Variants in AGAP1 observed in about 807,000 individuals in gnomAD.
The protein encoded by AGAP1 is ArfGAP with GTPase domain, ankyrin repeat and PH domain 1.
A neutral mutation model predicts 105.3 loss-of-function variants in AGAP1; 29 were observed. That is an observed-to-expected ratio of 0.28 (90% CI 0.21 to 0.38). AGAP1 has a LOEUF of 0.38. Among genes scored for constraint, AGAP1 ranks in the 10% least tolerant of loss-of-function variants. AGAP1 has a pLI of 1.00. For synonymous variants in AGAP1, 509 were observed against 485.9 expected (o/e 1.05, Z -0.63); for missense variants, 998 against 1,165.1 (o/e 0.86, Z 2.09).
intron 13 of AGAP1, among the ~76,000 whole-genome samples, chr2:236,007,893 AG>A (rs1470473056): frequency 1.3e-5 from 2 of 152,240 alleles, no homozygotes; most frequent in East Asian, 3.9e-4. Context: ...AGGGGACCTG[AG>A]GCTGCTCCCC....
intron 9 of AGAP1, among the ~76,000 whole-genome samples, chr2:235,857,718 A>G (rs1367828392): frequency 6.6e-6 from 1 of 152,218 alleles, no homozygotes; most frequent in Non-Finnish European, 1.5e-5. Flanking sequence ...ATTCAAAGTC[A>G]ACTAGTGATG....
In AGAP1 at chr2:235,731,707, G is replaced by A. The variant is rs943620578; in HGVS notation, c.311-9256G>A. On this transcript the variant is annotated intron_variant, in intron 3 of 17. Transcript: ENST00000304032. ...TTAATTTTTATGAGCCACTTGTGAC[G>A]TTTCAGGAAGCTGACAGCCGACATG... Among the ~76,000 whole-genome samples, 4 of 152,140 alleles carry A rather than the reference G, an allele frequency of 2.6e-5. No individual in the cohort carries two copies. In the South Asian group the frequency reaches 6.2e-4, roughly 24 times the overall value.
rs1951344064 is a variant in AGAP1 at position 235,720,792 on chromosome 2, T to A, written c.310+3148T>A. On this transcript the variant is annotated intron_variant, in intron 3 of 17. Transcript: ENST00000304032. The surrounding 1 kb of genome is among the most constrained non-coding windows in gnomAD (Gnocchi z 5.0). ...CTGGGAGGGGTGAGGGTGAGGGCCT[T>A]CCTGTCTTCAGGGGAGAGCTCTCTC... is the stretch of plus-strand genomic sequence containing the variant. 1.2e-6 allele frequency: 1 copy of A among 828,118 alleles called. No homozygotes were observed. The highest frequency in any genetic ancestry group is 1.5e-6 in the Non-Finnish European group (1 of 686,826). 51.3% of individuals were successfully genotyped at this position (828,118 alleles called of 1,614,324 possible).
At chr2:236,028,959 G>A (rs976117538) in intron 13 of AGAP1, among the ~76,000 whole-genome samples, 2 of 152,048 alleles carry the variant, frequency 1.3e-5, no homozygotes, top group Non-Finnish European at 2.9e-5. Flanking sequence ...TTCTGGTTGA[G>A]AAATTGGACA....
At chr2:235,524,530 G>C in intron 1 of AGAP1, 1 of 337,436 alleles carries the variant, frequency 3.0e-6, no homozygotes, top group Non-Finnish European at 6.3e-6. Flanking sequence ...GCTGCACCCA[G>C]CCCCCATGGG....
At position 236,038,813 on chromosome 2, in the gene AGAP1, C is replaced by T. The variant is rs1309144784; in HGVS notation, c.1801-1938C>T. 3.0e-5 allele frequency among the ~76,000 whole-genome samples: 3 copies of T among 100,364 alleles called. No individual in the cohort carries two copies. Among genetic ancestry groups the T allele is most frequent in the Non-Finnish European group, 5.8e-5 (3 of 51,692 alleles). The allele number at this position is 100,364 out of a possible 152,430, so 65.8% of individuals were successfully genotyped here. On this transcript the variant is annotated intron_variant, in intron 14 of 17. Coordinates refer to ENST00000304032, the MANE Select transcript of AGAP1 (RefSeq NM_001037131.3). The surrounding 1 kb of genome is among the most constrained non-coding windows in gnomAD (Gnocchi z 4.5). Reference sequence around the variant, plus strand: ...TACACAGAGAGACAGAGGCACATCCCTTTGTATGTGTGTGTGTGTGTGTGT... The same window carrying T: ...TACACAGAGAGACAGAGGCACATCCTTTTGTATGTGTGTGTGTGTGTGTGT...
At chr2:235,637,458 T>G (rs993952602) in intron 1 of AGAP1, among the ~76,000 whole-genome samples, 6 of 151,868 alleles carry the variant, frequency 4.0e-5, no homozygotes, top group African/African-American at 1.5e-4. Flanking sequence ...TTATTTTTTT[T>G]TTTTTGTAGA....
intron 14 of AGAP1, among the ~76,000 whole-genome samples, chr2:236,037,944 T>C (rs1256640311): frequency 6.6e-6 from 1 of 152,254 alleles, no homozygotes; most frequent in Non-Finnish European, 1.5e-5. Context: ...TAAAGAAATT[T>C]CTGCCTATGA....
At chr2:235,638,128 A>G (rs1947069114) in intron 1 of AGAP1, among the ~76,000 whole-genome samples, 1 of 152,222 alleles carries the variant, frequency 6.6e-6, no homozygotes, top group South Asian at 2.1e-4. Flanking sequence ...GACACGTAAC[A>G]TTAACCATAA....
rs559467962 is a variant in AGAP1, at chr2:236,022,425, G to C, written c.1646-14136G>C. The stretch of plus-strand genomic sequence containing the variant: ...ACCGTGAACTGCGTGTGTTTATAAT[G>C]ATCTTTTGTTTTTGTTTAAAATTAA... On this transcript the variant is annotated intron_variant, in intron 13 of 17. Transcript: ENST00000304032. Among the ~76,000 whole-genome samples the C allele has an allele frequency of 8.7e-4, 132 of 152,276 alleles. 1 individual carries two copies. The South Asian group carries it at 0.027, about 31-fold the overall frequency.
At chr2:235,969,687 G>A (rs1024450844) in intron 13 of AGAP1, among the ~76,000 whole-genome samples, 2 of 152,184 alleles carry the variant, frequency 1.3e-5, no homozygotes, top group Admixed American at 6.5e-5. Context: ...GCAAACCCAC[G>A]GTGCGTGTGT....
At chr2:235,809,534 T>G (rs1320485780) in intron 9 of AGAP1, among the ~76,000 whole-genome samples, 1 of 152,192 alleles carries the variant, frequency 6.6e-6, no homozygotes, top group East Asian at 1.9e-4. Flanking sequence ...GGATGATGTC[T>G]GAAGCCCTTG....
rs149489888 is a variant in AGAP1, at chr2:235,550,394, C to G, written c.163+55545C>G. On this transcript the variant is annotated intron_variant, in intron 1 of 17. Coordinates refer to ENST00000304032, the MANE Select transcript of AGAP1 (RefSeq NM_001037131.3). The surrounding 1 kb of genome is among the most constrained non-coding windows in gnomAD (Gnocchi z 4.6). ...CTGCCAGTGACTTCTCATAGCTGTT[C>G]GTCATTGGGAGTCACTGAGCATGCA... Among the ~76,000 whole-genome samples, 217 of 152,306 alleles carry G rather than the reference C, an allele frequency of 1.4e-3. No individual in the cohort carries two copies. Among genetic ancestry groups the G allele is most frequent in the African/African-American group, 4.9e-3 (202 of 41,562 alleles).
At chr2:235,759,637 A>G (rs1162165941) in intron 6 of AGAP1, among the ~76,000 whole-genome samples, 3 of 152,204 alleles carry the variant, frequency 2.0e-5, no homozygotes, top group Non-Finnish European at 4.4e-5. Context: ...GGGGGCGCAC[A>G]TGTGAGGAAG....
chr2:235,583,674 C>G (rs1038660597), intron 1 of AGAP1, among the ~76,000 whole-genome samples: 1 of 147,042 alleles, frequency 6.8e-6, no homozygotes, highest in African/African-American at 2.5e-5. Flanking sequence ...GCCAGGAGTT[C>G]GAGACCAGTC....
At position 235,549,216 on chromosome 2, in the gene AGAP1, A is replaced by G. The variant is rs1172047260; in HGVS notation, c.163+54367A>G. On this transcript the variant is annotated intron_variant, in intron 1 of 17. Coordinates refer to ENST00000304032, the MANE Select transcript of AGAP1 (RefSeq NM_001037131.3). This position sits in a 1 kb window ranked among gnomAD's most constrained non-coding sequence, Gnocchi z 4.2. ...AGGATTTTCCAGACCTTTTATTTCT[A>G]AGGAATACAAACTAGAAGGGCCTGG... 6.6e-6 allele frequency among the ~76,000 whole-genome samples: 1 copy of G among 152,180 alleles called. No individual in the cohort carries two copies. The highest frequency in any genetic ancestry group is 1.5e-5 in the Non-Finnish European group (1 of 68,030).
At chr2:235,496,135 G>T (rs534875451) in intron 1 of AGAP1, among the ~76,000 whole-genome samples, 1 of 152,346 alleles carries the variant, frequency 6.6e-6, no homozygotes, top group East Asian at 1.9e-4. Flanking sequence ...ATGTTGTGTT[G>T]CTGAGCCCTT....
chr2:235,509,290 G>A (rs1224090348), intron 1 of AGAP1, among the ~76,000 whole-genome samples: 1 of 152,048 alleles, frequency 6.6e-6, no homozygotes, highest in Non-Finnish European at 1.5e-5. Flanking sequence ...GCAGTGGTGC[G>A]ATCTCTGCTC....
At chr2:235,682,797 CGTGTGT>C (rs71064869) in intron 1 of AGAP1, among the ~76,000 whole-genome samples, 7 of 149,462 alleles carry the variant, frequency 4.7e-5, no homozygotes, top group Admixed American at 6.6e-5. Flanking sequence ...TGTGTGCACA[CGTGTGT>C]GTGTGTGTGT....
Sources: gnomAD v4.1 joint callset for allele counts (sites outside exome capture counted in the v4.1 genomes callset) on GRCh38, gnomAD v4.1.1 for gene constraint, Gnocchi (gnomAD v3.1) non-coding constraint, MANE v1.5 for transcripts, NCBI Gene and HGNC (gene_info 2026-07-23, HGNC 2026-07-21) for gene names.